Variants in DNAI7 observed in about 807,000 individuals in gnomAD.
The protein encoded by DNAI7 is cancer susceptibility 1.
In DNAI7, 78 loss-of-function variants were observed where a neutral mutation model predicts 86.6. The ratio of observed to expected loss-of-function variants is 0.90; its 90% CI spans 0.75 to 1.09. The LOEUF (loss-of-function observed/expected upper bound fraction) is 1.09, where lower values mean the gene tolerates loss of function less well. Ranked by LOEUF, DNAI7 falls within the 50% of genes least tolerant of loss-of-function variation. DNAI7 has a pLI of 0.00. For synonymous variants in DNAI7, 274 were observed against 273.0 expected, an observed-to-expected ratio of 1.00 and a Z score of -0.04; for missense variants, 753 against 810.2, an observed-to-expected ratio of 0.93 and a Z score of 0.86.
At chr12:25,177,066 C>T (rs929063278) in intron 2 of DNAI7, among the ~76,000 whole-genome samples, 2 of 151,936 alleles carry the variant, frequency 1.3e-5, no homozygotes, top group African/African-American at 4.8e-5. Context: ...CCCTGCCTGG[C>T]TAATTTTTGT....
At chr12:25,114,898 T>C (rs751574717) in intron 12 of DNAI7, 28 bp from the exon 13 acceptor site, 1 of 1,508,436 alleles carries the variant, frequency 6.6e-7, no homozygotes, top group South Asian at 1.2e-5. Context: ...AAAGTGACAC[T>C]AGTTTCATTT....
At chr12:25,190,333 A>G (rs571501771) in intron 2 of DNAI7, among the ~76,000 whole-genome samples, 6 of 152,304 alleles carry the variant, frequency 3.9e-5, no homozygotes, top group Middle Eastern at 3.4e-3. Flanking sequence ...AACATTTTCT[A>G]GAGCAGAATT....
chr12:25,183,493 AT>A (rs1426257604), intron 2 of DNAI7, among the ~76,000 whole-genome samples: 2 of 151,988 alleles, frequency 1.3e-5, no homozygotes. Flanking sequence ...CTTAAAGTCT[AT>A]TGTGTCTAAT....
chr12:25,119,955 G>A (rs1266810529), intron 11 of DNAI7, among the ~76,000 whole-genome samples: 2 of 152,122 alleles, frequency 1.3e-5, no homozygotes, highest in Admixed American at 6.5e-5. Context: ...TTGAAAATGA[G>A]GAAAGCCTCT....
At chr12:25,152,167 A>C (rs537375826) in intron 6 of DNAI7, among the ~76,000 whole-genome samples, 1 of 152,324 alleles carries the variant, frequency 6.6e-6, no homozygotes, top group East Asian at 1.9e-4. Context: ...GGAATGACAG[A>C]AACAGCTTTT....
At chr12:25,180,773 T>TAAA (rs1949421667) in intron 2 of DNAI7, among the ~76,000 whole-genome samples, 1 of 152,028 alleles carries the variant, frequency 6.6e-6, no homozygotes. Flanking sequence ...TTAACATATA[T>TAAA]AAAAATTAAC....
chr12:25,133,274 T>C (rs1943150525), intron 9 of DNAI7, among the ~76,000 whole-genome samples: 1 of 152,052 alleles, frequency 6.6e-6, no homozygotes, highest in African/African-American at 2.4e-5. Flanking sequence ...CGACTTCGAG[T>C]TTCTTTTATA....
chr12:25,157,911 G>A (rs1202380797), intron 4 of DNAI7, among the ~76,000 whole-genome samples: 1 of 151,864 alleles, frequency 6.6e-6, no homozygotes, highest in African/African-American at 2.4e-5. Flanking sequence ...ACAAGCATAG[G>A]CTCTGCAGCA....
intron 12 of DNAI7, among the ~76,000 whole-genome samples, chr12:25,117,353 T>C (rs1940324337): frequency 6.6e-6 from 1 of 152,204 alleles, no homozygotes; most frequent in African/African-American, 2.4e-5. Flanking sequence ...ATACAAAATA[T>C]TTAAACTTCT....
chr12:25,144,272 A>T, intron 9 of DNAI7, 93 bp downstream of exon 9: 1 of 1,074,620 alleles, frequency 9.3e-7, no homozygotes, highest in Non-Finnish European at 1.4e-6. Flanking sequence ...GACAATTTCC[A>T]GTTGTTTAGG....
intron 1 of DNAI7, among the ~76,000 whole-genome samples, chr12:25,192,015 A>G (rs1565860070): frequency 2.6e-5 from 4 of 152,380 alleles, no homozygotes; most frequent in East Asian, 1.9e-4. Flanking sequence ...AGTTTAACAC[A>G]TATCAGTAGA....
intron 6 of DNAI7, among the ~76,000 whole-genome samples, chr12:25,152,400 T>TA (rs1175593877): frequency 1.3e-5 from 2 of 152,162 alleles, no homozygotes; most frequent in African/African-American, 4.8e-5. Context: ...GAGGTTTCCA[T>TA]AAAAAACTCA....
intron 1 of DNAI7, among the ~76,000 whole-genome samples, chr12:25,192,525 T>C (rs1202318611): frequency 6.6e-6 from 1 of 152,126 alleles, no homozygotes; most frequent in Non-Finnish European, 1.5e-5. Context: ...TGAATTGTAT[T>C]GCTCAAAAAA....
intron 9 of DNAI7, among the ~76,000 whole-genome samples, chr12:25,123,827 G>A (rs1357507815): frequency 6.6e-6 from 1 of 152,086 alleles, no homozygotes; most frequent in Non-Finnish European, 1.5e-5. Context: ...TAACTATTAT[G>A]AGCCTCAAAT....
intron 9 of DNAI7, among the ~76,000 whole-genome samples, chr12:25,125,390 A>G (rs921440284): frequency 6.6e-6 from 1 of 152,116 alleles, no homozygotes; most frequent in Non-Finnish European, 1.5e-5. Context: ...GCTTCTTTTC[A>G]TATGCTTCTA....
intron 1 of DNAI7, among the ~76,000 whole-genome samples, chr12:25,191,513 GC>G (rs1950516386): frequency 6.6e-6 from 1 of 152,030 alleles, no homozygotes; most frequent in African/African-American, 2.4e-5. Flanking sequence ...GGCCATCCTG[GC>G]TAACACGGTG....
chr12:25,162,071 A>G (rs1385609321), intron 2 of DNAI7, among the ~76,000 whole-genome samples: 1 of 152,230 alleles, frequency 6.6e-6, no homozygotes, highest in Non-Finnish European at 1.5e-5. Flanking sequence ...TGGCATCTAA[A>G]TTTGTGGCCA....
In DNAI7 at chr12:25,182,638, A is replaced by AC. The variant is rs1555184974; in HGVS notation, c.21+7975_21+7976insG. ...CACACACACACACACACACACACAC[A>AC]AGCCAGATGTGGTGGCTCTCATGCC... On this transcript the variant is annotated intron_variant, in intron 2 of 15. Coordinates refer to ENST00000395987, the MANE Select transcript of DNAI7 (RefSeq NM_018272.5). Among the ~76,000 whole-genome samples the AC allele has an allele frequency of 3.3e-3, 491 of 150,808 alleles. 2 individuals are homozygous for AC. Among genetic ancestry groups the AC allele is most frequent in the African/African-American group, 0.011 (439 of 40,990 alleles).
At position 25,158,578 on chromosome 12, in the gene DNAI7, A is replaced by T. The variant is rs1946479661; in HGVS notation, c.107-15T>A. ...ACGGGCTTCCTCTAAAGAACCAAAAATAATTTTTTTCTCAGTGAATAGATC... is the reference window on the plus strand; with the variant it reads ...ACGGGCTTCCTCTAAAGAACCAAAATTAATTTTTTTCTCAGTGAATAGATC... On this transcript the variant is annotated splice_polypyrimidine_tract_variant and intron_variant, in intron 3 of 15. Coordinates refer to ENST00000395987, the MANE Select transcript of DNAI7 (RefSeq NM_018272.5). The T allele has an allele frequency of 6.2e-7, 1 of 1,605,338 alleles. No homozygotes were observed. The highest frequency in any genetic ancestry group is 8.5e-7 in the Non-Finnish European group (1 of 1,176,004).
Sources: gnomAD v4.1 joint callset for allele counts (sites outside exome capture counted in the v4.1 genomes callset) on GRCh38, gnomAD v4.1.1 for gene constraint, MANE v1.5 for transcripts, NCBI Gene and HGNC (gene_info 2026-07-23, HGNC 2026-07-21) for gene names.